Variants in ATP8B4 observed in about 807,000 individuals in gnomAD.
The protein encoded by ATP8B4 is ATPase phospholipid transporting 8B4 (putative).
ATP8B4 carries 133 observed loss-of-function variants against 145.6 expected under a neutral mutation model. That is an observed-to-expected ratio of 0.91 (90% CI 0.79 to 1.05). The LOEUF is 1.05. Among genes scored for constraint, ATP8B4 ranks in the 50% least tolerant of loss-of-function variants. ATP8B4 has a pLI of 0.00. For synonymous variants in ATP8B4, 507 were observed against 492.9 expected (o/e 1.03, Z -0.38); for missense variants, 1,458 against 1,425.2 (o/e 1.02, Z -0.37).
chr15:50,071,679 A>G (rs1019175873), intron 3 of ATP8B4, among the ~76,000 whole-genome samples: 7 of 152,222 alleles, frequency 4.6e-5, no homozygotes, highest in Non-Finnish European at 4.4e-5. Flanking sequence ...TCTGGTGTTC[A>G]CCAGGAGAAG....
intron 6 of ATP8B4, among the ~76,000 whole-genome samples, chr15:50,034,607 G>T (rs1455869738): frequency 6.6e-6 from 1 of 152,070 alleles, no homozygotes; most frequent in Non-Finnish European, 1.5e-5. Flanking sequence ...TTCAATTAGA[G>T]GTTCTCAAAC....
intron 16 of ATP8B4, among the ~76,000 whole-genome samples, chr15:49,924,717 G>C (rs1252877773): frequency 6.6e-6 from 1 of 152,120 alleles, no homozygotes; most frequent in Non-Finnish European, 1.5e-5. Context: ...ACTGGGCCTT[G>C]TCTAGGTCTT....
chr15:49,950,601 A>C (rs976475633), intron 14 of ATP8B4, among the ~76,000 whole-genome samples: 2 of 86,924 alleles, frequency 2.3e-5, no homozygotes, highest in African/African-American at 3.8e-5. Flanking sequence ...AAAAAAAAAA[A>C]ACAAACAAAC....
At chr15:50,158,149 G>A (rs1301081221) in intron 1 of ATP8B4, among the ~76,000 whole-genome samples, 9 of 152,234 alleles carry the variant, frequency 5.9e-5, no homozygotes, top group African/African-American at 1.9e-4. Context: ...CCAAAGTGCC[G>A]AGATTGCAGC....
chr15:49,961,058 A>G (rs1424003770), intron 14 of ATP8B4, among the ~76,000 whole-genome samples: 1 of 151,922 alleles, frequency 6.6e-6, no homozygotes, highest in Non-Finnish European at 1.5e-5. Context: ...GCGTGAACCC[A>G]GGAGGCAGAG....
chr15:49,953,921 C>T (rs1249533157), intron 14 of ATP8B4, among the ~76,000 whole-genome samples: 1 of 152,202 alleles, frequency 6.6e-6, no homozygotes, highest in African/African-American at 2.4e-5. Context: ...TGGCTGGAGG[C>T]AGGGGGTTCC....
intron 9 of ATP8B4, among the ~76,000 whole-genome samples, chr15:49,987,897 A>G (rs2046756341): frequency 6.6e-6 from 1 of 152,248 alleles, no homozygotes. Context: ...GACTGTCCTA[A>G]AAGTTTCTCT....
At chr15:50,150,534 T>A (rs949959231) in intron 1 of ATP8B4, among the ~76,000 whole-genome samples, 1 of 152,204 alleles carries the variant, frequency 6.6e-6, no homozygotes, top group Admixed American at 6.5e-5. Flanking sequence ...ACACCCACAT[T>A]TGGAAGGAAT....
At chr15:50,021,540 A>G (rs2049571636) in intron 6 of ATP8B4, among the ~76,000 whole-genome samples, 1 of 151,998 alleles carries the variant, frequency 6.6e-6, no homozygotes, top group Non-Finnish European at 1.5e-5. Context: ...TCTACCCAAG[A>G]TCTTGGCATG....
chr15:50,050,317 T>C lies in ATP8B4; in HGVS notation c.88-2853A>G, dbSNP rs76951155. On this transcript the variant is annotated intron_variant, in intron 3 of 27. Coordinates refer to ENST00000284509, the MANE Select transcript of ATP8B4 (RefSeq NM_024837.4). ...TGTACTGACATGTCCAAAGATTTCA[T>C]TGGCATTCTGGCAATTGTGTCTCAC... 1.9e-4 allele frequency among the ~76,000 whole-genome samples: 29 copies of C among 152,336 alleles called. No homozygotes were observed. The East Asian group carries it at 5.2e-3, about 27-fold the overall frequency.
intron 1 of ATP8B4, among the ~76,000 whole-genome samples, chr15:50,137,049 T>C (rs1567402279): frequency 6.6e-6 from 1 of 152,210 alleles, no homozygotes; most frequent in Non-Finnish European, 1.5e-5. Flanking sequence ...TGTATCCCCA[T>C]AGCTTTTGGA....
At chr15:49,930,713 AC>A (rs1220186012) in intron 16 of ATP8B4, among the ~76,000 whole-genome samples, 1 of 152,056 alleles carries the variant, frequency 6.6e-6, no homozygotes, top group East Asian at 1.9e-4. Flanking sequence ...AACTATGCGA[AC>A]CTGGGCAAGT....
At chr15:50,129,496 C>A (rs532115859) in intron 1 of ATP8B4, among the ~76,000 whole-genome samples, 11 of 152,170 alleles carry the variant, frequency 7.2e-5, no homozygotes, top group Non-Finnish European at 1.6e-4. Context: ...GCCCTTTGTG[C>A]GTCTTCTCTG....
intron 1 of ATP8B4, among the ~76,000 whole-genome samples, chr15:50,137,931 A>G (rs1184986103): frequency 2.0e-5 from 3 of 152,286 alleles, no homozygotes; most frequent in Middle Eastern, 3.4e-3. Flanking sequence ...CTACTCCCTT[A>G]TCAAAGTTCT....
intron 14 of ATP8B4, among the ~76,000 whole-genome samples, chr15:49,954,274 C>T (rs1208879308): frequency 1.3e-5 from 2 of 152,080 alleles, no homozygotes; most frequent in Non-Finnish European, 2.9e-5. Context: ...TACATATATC[C>T]TATTAGTTCT....
intron 25 of ATP8B4, among the ~76,000 whole-genome samples, chr15:49,874,521 A>G (rs1598827899): frequency 6.6e-6 from 1 of 152,296 alleles, no homozygotes; most frequent in Non-Finnish European, 1.5e-5. Flanking sequence ...TAGATTTTGA[A>G]GAGACAAATG....
At chr15:49,942,592 G>T (rs1300558297) in intron 14 of ATP8B4, among the ~76,000 whole-genome samples, 1 of 151,938 alleles carries the variant, frequency 6.6e-6, no homozygotes, top group Admixed American at 6.5e-5. Context: ...ATTTAAAGAG[G>T]AATAGAAGTA....
chr15:50,023,133 A>G (rs2153582748), intron 6 of ATP8B4, among the ~76,000 whole-genome samples: 1 of 152,266 alleles, frequency 6.6e-6, no homozygotes, highest in East Asian at 1.9e-4. Context: ...GGCTGGTCTC[A>G]TACTCCTCCA....
intron 1 of ATP8B4, among the ~76,000 whole-genome samples, chr15:50,142,907 C>T (rs989942261): frequency 1.3e-5 from 2 of 152,194 alleles, no homozygotes; most frequent in Non-Finnish European, 2.9e-5. Flanking sequence ...TCTGTTTCTA[C>T]TATCCTCCCT....
Sources: allele counts gnomAD v4.1 joint callset (sites outside exome capture counted in the v4.1 genomes callset), GRCh38; gene constraint gnomAD v4.1.1; transcripts MANE v1.5; gene names NCBI Gene and HGNC (gene_info 2026-07-23, HGNC 2026-07-21).